TCP11L2: variants seen among roughly 807,000 people sequenced by gnomAD.
TCP11L2 encodes T-complex protein 11-like protein 2.
In TCP11L2, 39 loss-of-function variants were observed where a neutral mutation model predicts 50.7. The observed-to-expected ratio is 0.77, with a 90% CI of 0.60 to 1.01. The LOEUF is 1.01. Among genes scored for constraint, TCP11L2 ranks in the 50% least tolerant of loss-of-function variants. The pLI, the probability that TCP11L2 is intolerant of heterozygous loss-of-function variation, is 0.00. For missense variants in TCP11L2, 612 were observed against 614.7 expected (o/e 1.00, Z 0.05); for synonymous variants, 192 against 219.3 (o/e 0.88, Z 1.10).
chr12:106,339,022 G>C (rs960654730), intron 8 of TCP11L2, among the ~76,000 whole-genome samples: 4 of 152,190 alleles, frequency 2.6e-5, no homozygotes, highest in Non-Finnish European at 5.9e-5. Flanking sequence ...GCGCATGCCT[G>C]TAGTCCCAGC....
At chr12:106,312,507 C>T (rs2034900950) in intron 2 of TCP11L2, 2 of 875,102 alleles carry the variant, frequency 2.3e-6, no homozygotes, top group African/African-American at 1.8e-5. Context: ...ACCTAGGCAT[C>T]CTGAAGAAGG....
chr12:106,301,242 T>C (rs2034406376), upstream of TCP11L2, among the ~76,000 whole-genome samples: 1 of 152,194 alleles, frequency 6.6e-6, no homozygotes, highest in Non-Finnish European at 1.5e-5. Context: ...AGGTTGTATA[T>C]TTTAGGAGAA....
At chr12:106,300,585 C>T (rs1408532795), upstream of TCP11L2, among the ~76,000 whole-genome samples, 1 of 152,190 alleles carries the variant, frequency 6.6e-6, no homozygotes, top group African/African-American at 2.4e-5. Flanking sequence ...CTGCCTCGGC[C>T]TCCCAAAGTG....
At chr12:106,304,119 A>G (rs953199137) in intron 1 of TCP11L2, 29 of 152,408 alleles carry the variant, frequency 1.9e-4, no homozygotes, top group African/African-American at 7.0e-4. Flanking sequence ...CCTGACAGCC[A>G]GTGGAAGTTG....
At chr12:106,322,803 A>G (rs2035390252) in intron 5 of TCP11L2, among the ~76,000 whole-genome samples, 1 of 152,198 alleles carries the variant, frequency 6.6e-6, no homozygotes, top group South Asian at 2.1e-4. Flanking sequence ...GGTGTTAAGT[A>G]TCCTTAGAGT....
intron 4 of TCP11L2, among the ~76,000 whole-genome samples, chr12:106,318,927 C>T (rs558516875): frequency 5.5e-4 from 82 of 148,356 alleles, no homozygotes; most frequent in African/African-American, 1.9e-3. Flanking sequence ...TTTTTTGAGA[C>T]GGAGTCTCAC....
intron 8 of TCP11L2, among the ~76,000 whole-genome samples, chr12:106,337,702 G>A (rs893331730): frequency 6.6e-6 from 1 of 152,164 alleles, no homozygotes; most frequent in African/African-American, 2.4e-5. Context: ...AAATTACTAT[G>A]AGCCTGACTT....
intron 3 of TCP11L2, among the ~76,000 whole-genome samples, chr12:106,317,236 C>T (rs143108742): frequency 1.9e-3 from 295 of 152,350 alleles, no homozygotes; most frequent in African/African-American, 7.0e-3. Flanking sequence ...AAAGTCTTAG[C>T]CGGGCGCAGT....
intron 1 of TCP11L2, chr12:106,304,109 C>G (rs2034531585): frequency 6.6e-6 from 1 of 152,310 alleles, no homozygotes; most frequent in South Asian, 2.1e-4. Flanking sequence ...CATGCATCAC[C>G]CTGACAGCCA....
intron 6 of TCP11L2, among the ~76,000 whole-genome samples, chr12:106,328,916 A>G (rs1447807750): frequency 1.3e-5 from 2 of 152,302 alleles, no homozygotes; most frequent in East Asian, 3.9e-4. Flanking sequence ...GATCCCGGGA[A>G]GGAGTCGGCT....
Position 106,311,135 on chromosome 12 carries a change from T to A in TCP11L2, c.60T>A (p.Ser20=), listed in dbSNP as rs1041306346. The change falls in exon 2 of 10, where the codon TCT becomes TCA. Residue 20 remains serine (S), a synonymous_variant. Coordinates refer to ENST00000299045, the MANE Select transcript of TCP11L2 (RefSeq NM_152772.3). ...AGGACCAGCCAAGCGATTCTGATTC[T>A]TCCCGGTTTTCCGAAAGCATGGCTT... ...VGEDQPSDSD[S]SRFSESMASL... The A allele has an allele frequency of 1.2e-6, 2 of 1,614,104 alleles. No individual in the cohort carries two copies. The highest frequency in any genetic ancestry group is 2.7e-5 in the African/African-American group (2 of 74,938).
intron 1 of TCP11L2, among the ~76,000 whole-genome samples, chr12:106,305,190 A>T (rs1311109551): frequency 6.6e-6 from 1 of 152,172 alleles, no homozygotes; most frequent in Non-Finnish European, 1.5e-5. Flanking sequence ...TCAGGATCTT[A>T]TTATAAAATG....
intron 2 of TCP11L2, among the ~76,000 whole-genome samples, chr12:106,313,585 AT>A (rs2034942647): frequency 2.0e-5 from 3 of 147,348 alleles, no homozygotes; most frequent in African/African-American, 5.0e-5. Context: ...TCTCAAAAAA[AT>A]AAATAAATAA....
rs770835972 is a variant in TCP11L2 at position 106,340,915 on chromosome 12, C to A, written c.1232C>A (p.Thr411Asn). The A allele has an allele frequency of 6.2e-6, 10 of 1,613,546 alleles. No individual in the cohort carries two copies. Among genetic ancestry groups the A allele is most frequent in the Non-Finnish European group, 8.5e-6 (10 of 1,179,772 alleles). Residue 411 changes from threonine (T) to asparagine (N), a missense_variant, in exon 9 of 10, where the codon ACT (threonine) becomes AAT (asparagine). Thr to Asn is a moderately conservative substitution (Grantham distance 65). Coordinates refer to ENST00000299045, the MANE Select transcript of TCP11L2 (RefSeq NM_152772.3). ...NKTLMERGLP[T>N]LNAEIQANLI... ...ACCCTGATGGAAAGAGGTTTACCCA[C>A]TTTAAATGCTGAGATTCAAGCTAAT... is the stretch of plus-strand genomic sequence containing the variant.
At position 106,311,071 on chromosome 12, in the gene TCP11L2, G is replaced by T. The variant is rs371645199; in HGVS notation, c.-5G>T. 34 of 1,613,754 alleles carry T rather than the reference G, an allele frequency of 2.1e-5. No individual in the cohort carries two copies. The highest frequency in any genetic ancestry group is 2.9e-5 in the Non-Finnish European group (34 of 1,179,858). On this transcript the variant is annotated 5_prime_UTR_variant, in exon 2 of 10. Transcript: ENST00000299045. Reference sequence around the variant, plus strand: ...ACCTTTTTACCCACACTTAAGTGACGCAAAATGCCCTTCAATGGCGAGAAG... The same window carrying T: ...ACCTTTTTACCCACACTTAAGTGACTCAAAATGCCCTTCAATGGCGAGAAG...
Position 106,302,909 on chromosome 12 carries a change from C to G in TCP11L2, c.-68C>G, listed in dbSNP as rs1300279891. On this transcript the variant is annotated 5_prime_UTR_variant, in exon 1 of 10. Transcript: ENST00000299045. The stretch of plus-strand genomic sequence containing the variant: ...GAGCCCTGACCCGGGGTCACTCCGT[C>G]GCCGTTCTCCTCTTGTCTACGTGCT... 6 of 152,450 alleles carry G rather than the reference C, an allele frequency of 3.9e-5. No homozygotes were observed. Among genetic ancestry groups the G allele is most frequent in the Non-Finnish European group, 5.9e-5 (4 of 68,182 alleles). The allele number at this position is 152,450 out of a possible 1,614,324, so 9.4% of individuals were successfully genotyped here.
rs1396440945 is a variant in TCP11L2, at chr12:106,346,483, A to G, written c.1513A>G (p.Asn505Asp). The G allele has an allele frequency of 6.2e-7, 1 of 1,614,174 alleles. No homozygotes were observed. The highest frequency in any genetic ancestry group is 8.5e-7 in the Non-Finnish European group (1 of 1,180,024). The change falls in exon 10 of 10, where the codon AAT (asparagine) becomes GAT (aspartate). Residue 505 changes from asparagine to aspartate, a missense_variant. Asn to Asp is a conservative substitution (Grantham distance 23). Coordinates refer to ENST00000299045, the MANE Select transcript of TCP11L2 (RefSeq NM_152772.3). ...AAATATACTTCGAAAGCTGCTCTTCAATGAGGAAGCCATGGGGAAGGTAGA... is the reference window on the plus strand; with the variant it reads ...AAATATACTTCGAAAGCTGCTCTTCGATGAGGAAGCCATGGGGAAGGTAGA... ...YANILRKLLF[N>D]EEAMGKVDAS...
In TCP11L2 at chr12:106,329,562, A is replaced by G. The variant is rs542958486; in HGVS notation, c.772+5916A>G. ...GAGGCCTGAGCCCTGCCTCAGACAG[A>G]ATAAATCAAAGTCTCCAGGAGCTGT... On this transcript the variant is annotated intron_variant, in intron 6 of 9. Coordinates refer to ENST00000299045, the MANE Select transcript of TCP11L2 (RefSeq NM_152772.3). The G allele has an allele frequency of 3.5e-5, 50 of 1,411,840 alleles. 1 individual carries two copies. The highest frequency in any genetic ancestry group is 2.6e-4 in the Middle Eastern group (1 of 3,818). The allele number at this position is 1,411,840 out of a possible 1,614,324, so 87.5% of individuals were successfully genotyped here.
intron 3 of TCP11L2, among the ~76,000 whole-genome samples, chr12:106,316,843 A>AT (rs1565843567): frequency 6.6e-6 from 1 of 152,158 alleles, no homozygotes; most frequent in African/African-American, 2.4e-5. Context: ...ATACAAATGA[A>AT]TTTTTTGAGA....
Sources: gnomAD v4.1 joint callset for allele counts (sites outside exome capture counted in the v4.1 genomes callset) on GRCh38, gnomAD v4.1.1 for gene constraint, MANE v1.5 for transcripts, NCBI Gene and HGNC (gene_info 2026-07-23, HGNC 2026-07-21) for gene names.